SOX5: variants seen among roughly 807,000 people sequenced by gnomAD.
The protein encoded by SOX5 is transcription factor SOX-5.
In SOX5, 9 loss-of-function variants were observed where a neutral mutation model predicts 92.0. The observed-to-expected ratio is 0.10, with a 90% CI of 0.06 to 0.17. The LOEUF is 0.17. SOX5 is among the 10% of genes least tolerant of loss of function. The pLI, the probability that SOX5 is intolerant of heterozygous loss-of-function variation, is 1.00. For missense variants in SOX5, 642 were observed against 944.5 expected (o/e 0.68, Z 4.20); for synonymous variants, 344 against 336.3 (o/e 1.02, Z -0.25).
intron 1 of SOX5, among the ~76,000 whole-genome samples, chr12:24,485,592 C>T (rs1946436208): frequency 6.6e-6 from 1 of 152,048 alleles, no homozygotes; most frequent in Non-Finnish European, 1.5e-5. Flanking sequence ...GTACCCTTCC[C>T]ATTTGTTGTG....
chr12:23,815,934 G>C (rs551315140), intron 3 of SOX5, among the ~76,000 whole-genome samples: 7 of 152,058 alleles, frequency 4.6e-5, no homozygotes, highest in Non-Finnish European at 1.0e-4. Context: ...CCATTGTAGC[G>C]TTACATTACA....
At chr12:24,140,204 G>A (rs1005115567) in intron 4 of SOX5, among the ~76,000 whole-genome samples, 3 of 152,050 alleles carry the variant, frequency 2.0e-5, no homozygotes, top group Admixed American at 1.3e-4. Flanking sequence ...TTCTGATCTC[G>A]ATCATACATA....
At chr12:23,584,437 A>G in intron 9 of SOX5, 3 of 868,900 alleles carry the variant, frequency 3.5e-6, no homozygotes, top group Non-Finnish European at 5.8e-6. Context: ...CCATCTTTAG[A>G]TAACAACCTG....
intron 4 of SOX5, among the ~76,000 whole-genome samples, chr12:24,082,796 G>T (rs1197297929): frequency 6.6e-6 from 1 of 151,556 alleles, no homozygotes; most frequent in Admixed American, 6.6e-5. Context: ...TATCTTTGCT[G>T]TTGAGATTTT....
intron 1 of SOX5, among the ~76,000 whole-genome samples, chr12:24,440,327 C>T (rs1246468640): frequency 6.6e-6 from 1 of 152,152 alleles, no homozygotes; most frequent in Non-Finnish European, 1.5e-5. Context: ...TTCCTCCTGA[C>T]AGTAAATTCT....
intron 3 of SOX5, among the ~76,000 whole-genome samples, chr12:24,245,235 T>TTGTATG (rs1938421623): frequency 6.9e-6 from 1 of 144,366 alleles, no homozygotes; most frequent in Admixed American, 6.9e-5. Flanking sequence ...TTGGAGAGAT[T>TTGTATG]TGTGTGTGTG....
At chr12:24,456,217 A>AT (rs1461466824) in intron 1 of SOX5, among the ~76,000 whole-genome samples, 3 of 152,174 alleles carry the variant, frequency 2.0e-5, no homozygotes, top group Non-Finnish European at 4.4e-5. Context: ...CAGTTAAACA[A>AT]TTTCCGCCAA....
At chr12:23,921,526 T>C (rs1938276100) in intron 1 of SOX5, among the ~76,000 whole-genome samples, 3 of 152,196 alleles carry the variant, frequency 2.0e-5, no homozygotes, top group Non-Finnish European at 4.4e-5. Flanking sequence ...GCAAAGGTCT[T>C]AGGGGACATG....
chr12:24,533,161 A>G (rs1042702230), intron 1 of SOX5, among the ~76,000 whole-genome samples: 1 of 152,148 alleles, frequency 6.6e-6, no homozygotes, highest in Non-Finnish European at 1.5e-5. Flanking sequence ...CAAGTTAAGA[A>G]TTTTTTGAAA....
chr12:24,117,192 C>T (rs1353426736), intron 4 of SOX5, among the ~76,000 whole-genome samples: 1 of 151,908 alleles, frequency 6.6e-6, no homozygotes, highest in East Asian at 1.9e-4. Flanking sequence ...ATATGAATGG[C>T]CAATAGACAT....
At chr12:24,189,095 T>A (rs1956279232) in intron 4 of SOX5, among the ~76,000 whole-genome samples, 1 of 152,156 alleles carries the variant, frequency 6.6e-6, no homozygotes, top group Non-Finnish European at 1.5e-5. Context: ...CTTTTTCCCA[T>A]GTGTGTCTGT....
intron 4 of SOX5, among the ~76,000 whole-genome samples, chr12:24,096,560 C>T (rs999224366): frequency 2.0e-5 from 3 of 152,132 alleles, no homozygotes; most frequent in Admixed American, 2.0e-4. Context: ...AATATTTGTA[C>T]TTTTATGATT....
At chr12:23,591,952 G>T (rs1319156093) in intron 9 of SOX5, among the ~76,000 whole-genome samples, 1 of 151,494 alleles carries the variant, frequency 6.6e-6, no homozygotes, top group Non-Finnish European at 1.5e-5. Flanking sequence ...TCCTATTTAT[G>T]AAATATCTAC....
chr12:23,779,791 AT>A (rs1326101607), intron 3 of SOX5, among the ~76,000 whole-genome samples: 5 of 73,554 alleles, frequency 6.8e-5, no homozygotes, highest in Non-Finnish European at 1.3e-4. Flanking sequence ...AGATTAAAAT[AT>A]ATATATATAT....
chr12:23,895,759 T>C (rs960225706), intron 2 of SOX5, 34 bp downstream of exon 2: 1 of 1,465,910 alleles, frequency 6.8e-7, no homozygotes, highest in Admixed American at 1.7e-5. Flanking sequence ...GGTCAAAAAG[T>C]GAGTGTAGGC....
At chr12:23,730,351 C>T (rs1294398964) in intron 6 of SOX5, among the ~76,000 whole-genome samples, 1 of 151,966 alleles carries the variant, frequency 6.6e-6, no homozygotes, top group African/African-American at 2.4e-5. Context: ...TCTTTTAAGT[C>T]AATAAACACA....
chr12:24,460,921 G>A (rs1466234047), intron 1 of SOX5: 1 of 152,146 alleles, frequency 6.6e-6, no homozygotes, highest in African/African-American at 2.4e-5. Context: ...AGTCCAAACT[G>A]ACTTTGGTAA....
chr12:23,778,104 G>GTATT (rs376970226), intron 3 of SOX5, among the ~76,000 whole-genome samples: 1 of 152,164 alleles, frequency 6.6e-6, no homozygotes, highest in African/African-American at 2.4e-5. Flanking sequence ...ACTTCCTGAG[G>GTATT]TATTTCCAAA....
chr12:23,615,467 A>G (rs2076445957), intron 8 of SOX5, among the ~76,000 whole-genome samples: 1 of 152,170 alleles, frequency 6.6e-6, no homozygotes, highest in South Asian at 2.1e-4. Context: ...CTAGTACCCA[A>G]TTGTTATTTT....
Sources: allele counts gnomAD v4.1 joint callset (sites outside exome capture counted in the v4.1 genomes callset), GRCh38; gene constraint gnomAD v4.1.1; transcripts MANE v1.5; gene names NCBI Gene and HGNC (gene_info 2026-07-23, HGNC 2026-07-21).